PACS2: variants seen among roughly 807,000 people sequenced by gnomAD.
PACS2 encodes PACS1-like protein.
In PACS2, 36 loss-of-function variants were observed where a neutral mutation model predicts 113.0. That is an observed-to-expected ratio of 0.32 (90% CI 0.24 to 0.42). The LOEUF is 0.42. PACS2 is among the 10% of genes least tolerant of loss of function. The probability of loss-of-function intolerance (pLI) is 1.00; values close to 1 mark genes in which losing one functional copy is unlikely to be tolerated. For synonymous variants in PACS2, 589 were observed against 536.1 expected (o/e 1.10, Z -1.36); for missense variants, 1,015 against 1,239.5 (o/e 0.82, Z 2.72).
intron 1 of PACS2, among the ~76,000 whole-genome samples, chr14:105,325,344 G>C (rs1003913109): frequency 6.6e-6 from 1 of 151,976 alleles, no homozygotes; most frequent in African/African-American, 2.4e-5. Context: ...GCTGGAGCAG[G>C]GGAGGGGACT....
intron 20 of PACS2, chr14:105,390,227 G>T: frequency 1.7e-6 from 1 of 582,024 alleles, no homozygotes; most frequent in East Asian, 2.9e-5. Flanking sequence ...TGCCTTGGGG[G>T]CTGATAAATG....
Position 105,367,423 on chromosome 14 carries a change from G to A in PACS2, c.586+48G>A, listed in dbSNP as rs1235010937. On this transcript the variant is annotated intron_variant, in intron 5 of 24. Coordinates refer to ENST00000447393, the MANE Select transcript of PACS2 (RefSeq NM_001100913.3). ...CCTGCCCCTGCTGTGGGGAGGCCCT[G>A]CCTTCCAGCCATGGCACATCGGGTG... 3.2e-6 allele frequency: 5 copies of A among 1,579,104 alleles called. No homozygotes were observed. In the East Asian group the frequency reaches 6.7e-5, roughly 21 times the overall value.
In PACS2 at chr14:105,355,183, T is replaced by C; in HGVS notation, c.423+6T>C. ...GCTCCATCAGCATGGCTGAGGTGAG[T>C]GCTCCGTCTGGCGTGGCCTGCGTCG... On this transcript the variant is annotated splice_donor_region_variant and intron_variant, in intron 4 of 24. Coordinates refer to ENST00000447393, the MANE Select transcript of PACS2 (RefSeq NM_001100913.3). The surrounding 1 kb of genome is among the most constrained non-coding windows in gnomAD (Gnocchi z 4.1). 6.2e-7 allele frequency: 1 copy of C among 1,612,394 alleles called. No homozygotes were observed. Among genetic ancestry groups the C allele is most frequent in the Non-Finnish European group, 8.5e-7 (1 of 1,179,606 alleles).
intron 22 of PACS2, 173 bp from the exon 23 acceptor site, chr14:105,392,446 G>T: frequency 3.3e-6 from 2 of 613,696 alleles, no homozygotes; most frequent in Non-Finnish European, 2.9e-6. Flanking sequence ...CCTTGTGGGG[G>T]TGACTGGGCA....
At chr14:105,338,945 C>G (rs1555401083) in intron 1 of PACS2, among the ~76,000 whole-genome samples, 1 of 152,216 alleles carries the variant, frequency 6.6e-6, no homozygotes, top group Non-Finnish European at 1.5e-5. Context: ...GAGCCTGGCC[C>G]CACAACCAGA....
Position 105,369,908 on chromosome 14 carries a change from C to A in PACS2, c.801+8C>A. ...TTCAAAGTGTCCGACGAGGTGAGTG[C>A]GCCGCGCCTTCTGCTCGCGGCCCCC... On this transcript the variant is annotated splice_region_variant and intron_variant, in intron 8 of 24. Coordinates refer to ENST00000447393, the MANE Select transcript of PACS2 (RefSeq NM_001100913.3). 1 of 1,598,084 alleles carries A rather than the reference C, an allele frequency of 6.3e-7. No individual in the cohort carries two copies.
intron 23 of PACS2, 68 bp downstream of exon 23, chr14:105,392,913 A>G: frequency 7.8e-7 from 1 of 1,283,764 alleles, no homozygotes; most frequent in Admixed American, 1.7e-5. Flanking sequence ...GGCGGCTCGC[A>G]GTCAACAGGG....
At chr14:105,370,158 A>G in intron 8 of PACS2, 1 of 417,842 alleles carries the variant, frequency 2.4e-6, no homozygotes, top group Non-Finnish European at 4.3e-6. Context: ...GGGGGATGTA[A>G]CCATTAGTTT....
chr14:105,391,512 T>TACCCCCCCC, intron 21 of PACS2, 119 bp from the exon 22 acceptor site: 1 of 611,324 alleles, frequency 1.6e-6, no homozygotes, highest in Non-Finnish European at 2.9e-6. Flanking sequence ...CACTGGGGAC[T>TACCCCCCCC]CCCACCCTGC....
chr14:105,337,858 C>G (rs587760573), intron 1 of PACS2, among the ~76,000 whole-genome samples: 3 of 152,304 alleles, frequency 2.0e-5, no homozygotes, highest in Non-Finnish European at 2.9e-5. Context: ...TGAAGGGGTG[C>G]CCACCCTTGC....
chr14:105,328,882 A>G (rs998626838), intron 1 of PACS2, among the ~76,000 whole-genome samples: 1 of 152,242 alleles, frequency 6.6e-6, no homozygotes, highest in Admixed American at 6.5e-5. Flanking sequence ...TCTCAGTGCC[A>G]CTGTGACCTG....
chr14:105,311,533 G>A (rs1419672721), upstream of PACS2, among the ~76,000 whole-genome samples: 2 of 152,186 alleles, frequency 1.3e-5, no homozygotes, highest in Non-Finnish European at 2.9e-5. Context: ...GGGATTACAG[G>A]TGTGAGCCCC....
chr14:105,310,324 A>C (rs2058315940), upstream of PACS2, among the ~76,000 whole-genome samples: 1 of 150,904 alleles, frequency 6.6e-6, no homozygotes, highest in South Asian at 2.1e-4. Flanking sequence ...AGGTCAGGAG[A>C]TCAAGACCAT....
chr14:105,385,963 G>A (rs1481164664), intron 19 of PACS2, among the ~76,000 whole-genome samples: 1 of 152,246 alleles, frequency 6.6e-6, no homozygotes, highest in Non-Finnish European at 1.5e-5. Context: ...CAGGAGAGCA[G>A]CAGATGGGCC....
rs149722060 is a variant in PACS2, at chr14:105,355,156, G to A, written c.402G>A (p.Ala134=). ...RTILGYKTLA[A]GSISMAEVMQ... is the part of the protein sequence containing the mutation. ...TCCTGGGCTACAAGACGCTGGCCGCGGGCTCCATCAGCATGGCTGAGGTGA... is the reference window on the plus strand; with the variant it reads ...TCCTGGGCTACAAGACGCTGGCCGCAGGCTCCATCAGCATGGCTGAGGTGA... The change falls in exon 4 of 25, where the codon GCG becomes GCA. Residue 134 remains alanine, a synonymous_variant. Transcript: ENST00000447393. This position sits in a 1 kb window ranked among gnomAD's most constrained non-coding sequence, Gnocchi z 4.1. 1.9e-4 allele frequency: 305 copies of A among 1,613,402 alleles called. No individual in the cohort carries two copies. The highest frequency in any genetic ancestry group is 2.3e-4 in the Non-Finnish European group (268 of 1,179,950).
chr14:105,373,884 G>A (rs2061248799), intron 8 of PACS2, among the ~76,000 whole-genome samples: 1 of 151,982 alleles, frequency 6.6e-6, no homozygotes, highest in South Asian at 2.1e-4. Context: ...TGTAATCCCA[G>A]CACTTTGGGA....
chr14:105,376,932 C>G lies in PACS2; in HGVS notation c.959+7C>G. The G allele has an allele frequency of 6.3e-7, 1 of 1,597,778 alleles. No individual in the cohort carries two copies. The highest frequency in any genetic ancestry group is 8.5e-7 in the Non-Finnish European group (1 of 1,171,308). ...CCCCCAAGCCGAAGCTGCGGTGAGCCCTACAGGGCGGGGCGGGGAGGAACA... is the reference window on the plus strand; with the variant it reads ...CCCCCAAGCCGAAGCTGCGGTGAGCGCTACAGGGCGGGGCGGGGAGGAACA... On this transcript the variant is annotated splice_region_variant and intron_variant, in intron 9 of 24. Coordinates refer to ENST00000447393, the MANE Select transcript of PACS2 (RefSeq NM_001100913.3). This position sits in a 1 kb window ranked among gnomAD's most constrained non-coding sequence, Gnocchi z 4.7.
intron 1 of PACS2, among the ~76,000 whole-genome samples, chr14:105,341,258 A>G (rs782134635): frequency 1.3e-4 from 20 of 152,200 alleles, no homozygotes; most frequent in Non-Finnish European, 2.8e-4. Context: ...CTGTCAGAAA[A>G]CAAAACAGAA....
chr14:105,384,269 G>A (rs1595161489), intron 16 of PACS2, 84 bp from the exon 17 acceptor site: 5 of 766,474 alleles, frequency 6.5e-6, no homozygotes, highest in Admixed American at 4.2e-5. Flanking sequence ...GCCTGGGGTC[G>A]GGTGGCCCAG....
Sources: gnomAD v4.1 joint callset for allele counts (sites outside exome capture counted in the v4.1 genomes callset) on GRCh38, gnomAD v4.1.1 for gene constraint, Gnocchi (gnomAD v3.1) non-coding constraint, MANE v1.5 for transcripts, NCBI Gene and HGNC (gene_info 2026-07-23, HGNC 2026-07-21) for gene names.